Variants in WNT3 observed in about 807,000 individuals in gnomAD.
WNT3 encodes Wnt family member 3.
WNT3 carries 7 observed loss-of-function variants against 34.2 expected under a neutral mutation model. That is an observed-to-expected ratio of 0.20 (90% CI 0.12 to 0.38). The LOEUF (loss-of-function observed/expected upper bound fraction) is 0.38. Among genes scored for constraint, WNT3 ranks in the 10% least tolerant of loss-of-function variants. The pLI is 1.00. For synonymous variants in WNT3, 212 were observed against 211.5 expected (o/e 1.00, Z -0.02); for missense variants, 267 against 499.8 (o/e 0.53, Z 4.44).
intron 1 of WNT3, among the ~76,000 whole-genome samples, chr17:46,815,548 G>C (rs2084330040): frequency 6.6e-6 from 1 of 152,138 alleles, no homozygotes; most frequent in African/African-American, 2.4e-5. Context: ...CTGCCAGGCG[G>C]GGGGCTGGGT....
intron 1 of WNT3, among the ~76,000 whole-genome samples, chr17:46,782,437 C>T (rs556894092): frequency 3.2e-4 from 49 of 152,312 alleles, no homozygotes; most frequent in Admixed American, 9.8e-4. Flanking sequence ...CTGGGCAGTA[C>T]TGGACAGAGG....
chr17:46,773,001 A>G (rs980919224), intron 2 of WNT3, among the ~76,000 whole-genome samples: 4 of 152,124 alleles, frequency 2.6e-5, no homozygotes, highest in Non-Finnish European at 5.9e-5. Flanking sequence ...TGAGCCCCCA[A>G]GTCCCCTTCT....
Position 46,817,739 on chromosome 17 carries a change from C to T in WNT3, c.80+779G>A, listed in dbSNP as rs192050755. Among the ~76,000 whole-genome samples the T allele has an allele frequency of 1.2e-3, 189 of 152,210 alleles. 3 individuals carry two copies. Among genetic ancestry groups the T allele is most frequent in the Admixed American group, 0.01 (160 of 15,278 alleles). ...TCTCCCTTCCCTCTCCCTTTCTCCT[C>T]GGTCCTCGGTTTTCCAAAAGGAAGA... On this transcript the variant is annotated intron_variant, in intron 1 of 4. Coordinates refer to ENST00000225512, the MANE Select transcript of WNT3 (RefSeq NM_030753.5).
intron 3 of WNT3, 74 bp downstream of exon 3, chr17:46,769,709 G>A (rs944578883): frequency 6.3e-7 from 1 of 1,581,318 alleles, no homozygotes; most frequent in South Asian, 1.1e-5. Context: ...GGGGTGAGGT[G>A]GGGGCCAGGG....
At chr17:46,794,289 C>T (rs2084024686) in intron 1 of WNT3, among the ~76,000 whole-genome samples, 1 of 152,094 alleles carries the variant, frequency 6.6e-6, no homozygotes, top group East Asian at 1.9e-4. Context: ...AGAAAGGAGG[C>T]CAGGGCCTGA....
intron 1 of WNT3, among the ~76,000 whole-genome samples, chr17:46,779,103 A>AGACACACACACAC (rs2059438083): frequency 7.5e-6 from 1 of 133,590 alleles, no homozygotes; most frequent in African/African-American, 2.8e-5. Flanking sequence ...ACACACACAC[A>AGACACACACACAC]CCCCAGCCCA....
At chr17:46,772,234 A>C (rs2059380723) in intron 2 of WNT3, among the ~76,000 whole-genome samples, 1 of 151,790 alleles carries the variant, frequency 6.6e-6, no homozygotes, top group Non-Finnish European at 1.5e-5. Flanking sequence ...CAAATTCCCA[A>C]ACTCTCGGGC....
intron 1 of WNT3, among the ~76,000 whole-genome samples, chr17:46,811,276 G>T (rs2146463677): frequency 6.6e-6 from 1 of 152,006 alleles, no homozygotes; most frequent in East Asian, 1.9e-4. Context: ...TGTTGCATGG[G>T]TCAGTGTTAA....
rs761820418 is a variant in WNT3, at chr17:46,768,413, C to A, written c.975G>T (p.Lys325Asn). The A allele has an allele frequency of 4.3e-6, 7 of 1,613,990 alleles. No individual in the cohort carries two copies. The highest frequency in any genetic ancestry group is 5.9e-6 in the Non-Finnish European group (7 of 1,180,026). Residue 325 changes from lysine (K) to asparagine (N), a missense_variant, in exon 4 of 5, where the codon AAG becomes AAT. Lys to Asn is a moderately conservative substitution (Grantham distance 94, BLOSUM62 0). Around this residue, in one of 3 missense-constraint regions of WNT3, gnomAD observed 60 missense variants for 82.7 expected, o/e 0.73. Coordinates refer to ENST00000225512, the MANE Select transcript of WNT3 (RefSeq NM_030753.5). This position sits in a 1 kb window ranked among gnomAD's most constrained non-coding sequence, Gnocchi z 5.0. ...AGATGCAGTGGCATTTTTCCTTCCG[C>A]TTCTCCGTCCTCGTGTTGTGGCCCC... is the stretch of plus-strand genomic sequence containing the variant. ...CGRGHNTRTE[K>N]RKEKCHCIFH...
intron 4 of WNT3, among the ~76,000 whole-genome samples, chr17:46,765,702 C>T (rs1364229118): frequency 6.6e-6 from 1 of 152,240 alleles, no homozygotes; most frequent in Non-Finnish European, 1.5e-5. Context: ...AGGCGGCTCT[C>T]GCCTGGGGAG....
chr17:46,766,037 G>A (rs1568071270), intron 4 of WNT3, among the ~76,000 whole-genome samples: 1 of 152,254 alleles, frequency 6.6e-6, no homozygotes, highest in East Asian at 1.9e-4. Context: ...CCATATCTAT[G>A]TAGCACTTTA....
intron 2 of WNT3, 29 bp downstream of exon 2, chr17:46,773,639 C>T (rs2059392179): frequency 1.1e-6 from 1 of 883,832 alleles, no homozygotes; most frequent in Non-Finnish European, 1.6e-6. Context: ...CACCCAGCCC[C>T]TCCCCCCCCC....
intron 1 of WNT3, among the ~76,000 whole-genome samples, chr17:46,782,308 G>A (rs987113299): frequency 1.3e-5 from 2 of 152,190 alleles, no homozygotes; most frequent in African/African-American, 4.8e-5. Context: ...GAGGGAAGGT[G>A]AGGAGAAGGA....
chr17:46,811,660 T>C lies in WNT3; in HGVS notation c.80+6858A>G, dbSNP rs543734090. Among the ~76,000 whole-genome samples, 5 of 152,144 alleles carry C rather than the reference T, an allele frequency of 3.3e-5. No individual in the cohort carries two copies. The East Asian group carries it at 9.7e-4, about 30-fold the overall frequency. On this transcript the variant is annotated intron_variant, in intron 1 of 4. Coordinates refer to ENST00000225512, the MANE Select transcript of WNT3 (RefSeq NM_030753.5). Reference sequence around the variant, plus strand: ...GAGCGTGGAGTTGCCTCTCAGAAGATTCTAGAAACTCTGGCTGGGTGCGGT... The same window carrying C: ...GAGCGTGGAGTTGCCTCTCAGAAGACTCTAGAAACTCTGGCTGGGTGCGGT...
chr17:46,781,482 G>A (rs1222752998), intron 1 of WNT3, among the ~76,000 whole-genome samples: 2 of 152,018 alleles, frequency 1.3e-5, no homozygotes, highest in South Asian at 2.1e-4. Flanking sequence ...CAAGCTAAGC[G>A]ACAGCAACCA....
At chr17:46,800,939 G>T (rs1412797753) in intron 1 of WNT3, among the ~76,000 whole-genome samples, 1 of 152,214 alleles carries the variant, frequency 6.6e-6, no homozygotes, top group African/African-American at 2.4e-5. Context: ...AGAAGGCAGG[G>T]GGTAGCACAG....
At chr17:46,775,609 CTTTTTTT>C (rs1223588575) in intron 1 of WNT3, among the ~76,000 whole-genome samples, 28 of 111,636 alleles carry the variant, frequency 2.5e-4, no homozygotes, top group Admixed American at 4.5e-4. Flanking sequence ...GCCAGAAGTT[CTTTTTTT>C]TTTTTTTTTT....
At chr17:46,812,333 C>G (rs369744600) in intron 1 of WNT3, among the ~76,000 whole-genome samples, 2 of 152,178 alleles carry the variant, frequency 1.3e-5, no homozygotes, top group African/African-American at 2.4e-5. Flanking sequence ...CCTCCACCCC[C>G]CTACCCCCGC....
chr17:46,789,250 G>A (rs895986557), intron 1 of WNT3, among the ~76,000 whole-genome samples: 10 of 152,278 alleles, frequency 6.6e-5, no homozygotes, highest in Admixed American at 2.0e-4. Context: ...CACCAGGGCT[G>A]GCACCTACCT....
Sources: gnomAD v4.1 joint callset for allele counts (sites outside exome capture counted in the v4.1 genomes callset) on GRCh38, gnomAD v4.1.1 for gene constraint, gnomAD v4.1.1 regional missense constraint, Gnocchi (gnomAD v3.1) non-coding constraint, MANE v1.5 for transcripts, NCBI Gene and HGNC (gene_info 2026-07-23, HGNC 2026-07-21) for gene names.